Variants in GRAMD2B observed in about 807,000 individuals in gnomAD.
GRAMD2B encodes GRAM domain-containing protein 2B.
Under a neutral mutation model 59.2 loss-of-function variants are expected in GRAMD2B, and 41 were observed. That is an observed-to-expected ratio of 0.69 (90% CI 0.54 to 0.90). The LOEUF (loss-of-function observed/expected upper bound fraction) is 0.90, where lower values mean the gene tolerates loss of function less well. Ranked by LOEUF, GRAMD2B falls within the 40% of genes least tolerant of loss-of-function variation. GRAMD2B has a pLI of 0.00. For missense variants in GRAMD2B, 424 were observed against 500.5 expected, an observed-to-expected ratio of 0.85 and a Z score of 1.46; for synonymous variants, 161 against 182.7, an observed-to-expected ratio of 0.88 and a Z score of 0.96.
intron 1 of GRAMD2B, among the ~76,000 whole-genome samples, chr5:126,379,195 A>G (rs897553037): frequency 1.6e-4 from 25 of 152,156 alleles, no homozygotes; most frequent in African/African-American, 6.0e-4. Context: ...TTAGAATAAT[A>G]GTCTCCAATT....
intron 1 of GRAMD2B, among the ~76,000 whole-genome samples, chr5:126,401,115 AC>A (rs1375818573): frequency 6.6e-6 from 1 of 151,842 alleles, no homozygotes; most frequent in East Asian, 1.9e-4. Context: ...GGCTTTCTTT[AC>A]TTTTTAAAAT....
chr5:126,470,999 G>A (rs1272535852), intron 3 of GRAMD2B, among the ~76,000 whole-genome samples: 6 of 152,172 alleles, frequency 3.9e-5, no homozygotes, highest in Non-Finnish European at 7.3e-5. Flanking sequence ...GAAAACAAAA[G>A]CTCAGTGAAG....
chr5:126,417,032 A>G (rs1759320609), intron 1 of GRAMD2B, among the ~76,000 whole-genome samples: 1 of 152,212 alleles, frequency 6.6e-6, no homozygotes, highest in African/African-American at 2.4e-5. Context: ...TGCATTTACA[A>G]CAGTACTGTT....
chr5:126,381,980 T>C (rs1755700233), intron 1 of GRAMD2B, among the ~76,000 whole-genome samples: 1 of 152,160 alleles, frequency 6.6e-6, no homozygotes. Flanking sequence ...ACAAAAATCT[T>C]TGCTGATAAT....
intron 1 of GRAMD2B, among the ~76,000 whole-genome samples, chr5:126,392,236 TAGA>T (rs1329912428): frequency 6.6e-6 from 1 of 152,162 alleles, no homozygotes; most frequent in African/African-American, 2.4e-5. Context: ...AGAGATTCAC[TAGA>T]AGGACTCATA....
chr5:126,386,581 A>T (rs1469043), intron 1 of GRAMD2B, among the ~76,000 whole-genome samples: 137,389 of 152,238 alleles, frequency 0.9, 62,433 homozygotes, highest in East Asian at 0.99. Flanking sequence ...GGGGACCATC[A>T]TGGAGGCTGG....
At chr5:126,393,869 C>T (rs1454611560) in intron 1 of GRAMD2B, among the ~76,000 whole-genome samples, 1 of 152,148 alleles carries the variant, frequency 6.6e-6, no homozygotes, top group Non-Finnish European at 1.5e-5. Context: ...ACAGACCAGG[C>T]CTTCCATGAA....
intron 1 of GRAMD2B, among the ~76,000 whole-genome samples, chr5:126,415,090 G>A (rs1017067832): frequency 2.6e-5 from 4 of 152,120 alleles, no homozygotes; most frequent in African/African-American, 9.7e-5. Flanking sequence ...ACAAAGCACA[G>A]AGCTTGGAAT....
At chr5:126,456,280 G>A (rs6894798) in intron 1 of GRAMD2B, among the ~76,000 whole-genome samples, 51,146 of 151,862 alleles carry the variant, frequency 0.34, 9,109 homozygotes, top group East Asian at 0.6. Flanking sequence ...GCACAATCAC[G>A]GCTCACTGCA....
intron 1 of GRAMD2B, among the ~76,000 whole-genome samples, chr5:126,384,527 G>A (rs1250279716): frequency 6.6e-6 from 1 of 152,196 alleles, no homozygotes; most frequent in Non-Finnish European, 1.5e-5. Flanking sequence ...TATTCCATGA[G>A]GAGATCTCAC....
intron 1 of GRAMD2B, among the ~76,000 whole-genome samples, chr5:126,364,757 C>T (rs1754363958): frequency 6.6e-6 from 1 of 152,224 alleles, no homozygotes; most frequent in African/African-American, 2.4e-5. Flanking sequence ...ACCTCTCCCT[C>T]TATATCCTCT....
At chr5:126,363,235 T>C (rs1754299219) in intron 1 of GRAMD2B, among the ~76,000 whole-genome samples, 1 of 152,030 alleles carries the variant, frequency 6.6e-6, no homozygotes, top group Non-Finnish European at 1.5e-5. Context: ...GCATCATTAG[T>C]CATTAGGAAA....
In GRAMD2B at chr5:126,371,521, G is replaced by C. The variant is rs763082635; in HGVS notation, c.79G>C (p.Glu27Gln). ...GGGCAGCCCAAGGAAGGCCAACGTG[G>C]AGGCCTCACGCAGCTCCACAGACAG... The change falls in exon 1 of 9, where the codon GAG (glutamate) becomes CAG (glutamine). Residue 27 changes from glutamate (E) to glutamine (Q), a missense_variant. Glu to Gln is a conservative substitution (Grantham distance 29, BLOSUM62 2). Transcript: ENST00000506445. 31 of 1,289,254 alleles carry C rather than the reference G, an allele frequency of 2.4e-5. 2 individuals carry two copies. In the South Asian group the frequency reaches 3.6e-4, roughly 15 times the overall value. The allele number at this position is 1,289,254 out of a possible 1,614,324, so 79.9% of individuals were successfully genotyped here.
At chr5:126,472,139 GA>G in intron 3 of GRAMD2B, 98 bp from the exon 4 acceptor site, 1 of 855,460 alleles carries the variant, frequency 1.2e-6, no homozygotes, top group South Asian at 1.5e-5. Flanking sequence ...AATTCCTAAA[GA>G]TACTATTAAG....
Position 126,487,127 on chromosome 5 carries a change from T to C in GRAMD2B, c.1163+150T>C, listed in dbSNP as rs1489645166. 42 of 588,196 alleles carry C rather than the reference T, an allele frequency of 7.1e-5. No individual in the cohort carries two copies. In the East Asian group the frequency reaches 1.2e-3, roughly 16 times the overall value. 36.4% of individuals were successfully genotyped at this position (588,196 alleles called of 1,614,324 possible). ...AGTGTATATGTGGAAAGTAAAAAGGTAGGAGGGTCTAGAAATGAATGACCT... is the reference window on the plus strand; with the variant it reads ...AGTGTATATGTGGAAAGTAAAAAGGCAGGAGGGTCTAGAAATGAATGACCT... On this transcript the variant is annotated intron_variant, in intron 12 of 13. Coordinates refer to ENST00000285689, the MANE Select transcript of GRAMD2B (RefSeq NM_023927.4).
At chr5:126,378,499 A>G (rs1755390213) in intron 1 of GRAMD2B, among the ~76,000 whole-genome samples, 1 of 147,002 alleles carries the variant, frequency 6.8e-6, no homozygotes, top group South Asian at 2.1e-4. Context: ...ACTTTTCTTA[A>G]AGAAGACTCT....
At chr5:126,452,324 C>T (rs1765517660) in intron 1 of GRAMD2B, among the ~76,000 whole-genome samples, 1 of 152,100 alleles carries the variant, frequency 6.6e-6, no homozygotes, top group Admixed American at 6.5e-5. Flanking sequence ...GCTCTACCCT[C>T]ATAATCTAAT....
intron 1 of GRAMD2B, among the ~76,000 whole-genome samples, chr5:126,413,127 G>T (rs899025237): frequency 6.6e-6 from 1 of 151,942 alleles, no homozygotes; most frequent in East Asian, 1.9e-4. Context: ...TCTAATTTTA[G>T]TTATTTATTT....
chr5:126,490,712 G>A (rs1029721962), intron 13 of GRAMD2B, among the ~76,000 whole-genome samples: 1 of 152,206 alleles, frequency 6.6e-6, no homozygotes, highest in African/African-American at 2.4e-5. Context: ...GCCTGCCGGT[G>A]AAATAGCAGC....
Sources: gnomAD v4.1 joint callset for allele counts (sites outside exome capture counted in the v4.1 genomes callset) on GRCh38, gnomAD v4.1.1 for gene constraint, MANE v1.5 for transcripts, NCBI Gene and HGNC (gene_info 2026-07-23, HGNC 2026-07-21) for gene names.